NRXN3: variants seen among roughly 807,000 people sequenced by gnomAD.
The protein encoded by NRXN3 is neurexin 3.
NRXN3 carries 32 observed loss-of-function variants against 137.6 expected under a neutral mutation model. That is an observed-to-expected ratio of 0.23 (90% CI 0.18 to 0.31). The LOEUF (loss-of-function observed/expected upper bound fraction) is 0.31, where lower values mean the gene tolerates loss of function less well. Among genes scored for constraint, NRXN3 ranks in the 10% least tolerant of loss-of-function variants. NRXN3 has a pLI of 1.00. For missense variants in NRXN3, 1,574 were observed against 2,062.5 expected, an observed-to-expected ratio of 0.76 and a Z score of 4.59; for synonymous variants, 798 against 784.5, an observed-to-expected ratio of 1.02 and a Z score of -0.29.
intron 15 of NRXN3, among the ~76,000 whole-genome samples, chr14:79,076,404 G>A (rs1338348727): frequency 6.6e-6 from 1 of 152,144 alleles, no homozygotes; most frequent in African/African-American, 2.4e-5. Flanking sequence ...GGCTGCAACC[G>A]AGGTGACAGC....
chr14:79,181,188 C>T (rs1465494768), intron 15 of NRXN3, among the ~76,000 whole-genome samples: 1 of 151,924 alleles, frequency 6.6e-6, no homozygotes, highest in Admixed American at 6.6e-5. Context: ...ATCTGAGATT[C>T]CACTTTGACC....
intron 15 of NRXN3, among the ~76,000 whole-genome samples, chr14:79,051,178 C>T (rs2099641373): frequency 6.6e-6 from 1 of 151,876 alleles, no homozygotes; most frequent in Non-Finnish European, 1.5e-5. Flanking sequence ...TCTGACCTAT[C>T]TCCTTTCTAC....
chr14:79,258,118 A>G (rs1183099810), intron 15 of NRXN3, among the ~76,000 whole-genome samples: 2 of 152,206 alleles, frequency 1.3e-5, no homozygotes, highest in African/African-American at 4.8e-5. Flanking sequence ...CACCAGTTCA[A>G]ATGATGTTTT....
At chr14:78,538,018 T>C (rs2096553031) in intron 4 of NRXN3, among the ~76,000 whole-genome samples, 2 of 152,242 alleles carry the variant, frequency 1.3e-5, no homozygotes, top group Admixed American at 6.5e-5. Flanking sequence ...TATAGCCTTG[T>C]ACTATAGTTT....
At chr14:79,788,437 G>A (rs1019373801) in intron 19 of NRXN3, among the ~76,000 whole-genome samples, 15 of 152,092 alleles carry the variant, frequency 9.9e-5, no homozygotes, top group African/African-American at 3.1e-4. Flanking sequence ...GTAACCCTAC[G>A]GGTGATTTCA....
At chr14:78,501,398 T>A (rs1475249715) in intron 4 of NRXN3, among the ~76,000 whole-genome samples, 1 of 152,156 alleles carries the variant, frequency 6.6e-6, no homozygotes, top group Non-Finnish European at 1.5e-5. Context: ...GACCTTTCCA[T>A]AGAGCGGCCC....
intron 15 of NRXN3, among the ~76,000 whole-genome samples, chr14:79,301,594 C>CAA (rs1017825204): frequency 1.3e-5 from 2 of 152,032 alleles, no homozygotes; most frequent in Non-Finnish European, 2.9e-5. Context: ...CTATTAGCTG[C>CAA]AAATCAAACC....
intron 15 of NRXN3, among the ~76,000 whole-genome samples, chr14:79,044,050 A>C (rs984356616): frequency 1.3e-5 from 2 of 152,128 alleles, no homozygotes; most frequent in Non-Finnish European, 2.9e-5. Context: ...ACATTTCCAC[A>C]TGTCTTCTGT....
intron 8 of NRXN3, among the ~76,000 whole-genome samples, chr14:78,739,519 T>A (rs2098555277): frequency 6.6e-6 from 1 of 152,218 alleles, no homozygotes; most frequent in South Asian, 2.1e-4. Context: ...TTGATGCGGC[T>A]GGAGTAAAAT....
chr14:79,493,616 G>A (rs984047178), intron 16 of NRXN3, among the ~76,000 whole-genome samples: 4 of 152,144 alleles, frequency 2.6e-5, no homozygotes, highest in South Asian at 4.1e-4. Context: ...ACTCTATCAC[G>A]GGATGAATAG....
chr14:79,341,004 T>C (rs531435669), intron 15 of NRXN3, among the ~76,000 whole-genome samples: 18 of 152,188 alleles, frequency 1.2e-4, no homozygotes, highest in Non-Finnish European at 2.4e-4. Context: ...AAAATGAGAA[T>C]TGCGCTAATG....
At chr14:78,356,603 C>T (rs749051260) in intron 4 of NRXN3, among the ~76,000 whole-genome samples, 41 of 152,204 alleles carry the variant, frequency 2.7e-4, no homozygotes, top group Non-Finnish European at 5.4e-4. Context: ...ACCAGGGAAA[C>T]CATTCCAGGC....
rs545378225 is a variant in NRXN3, at chr14:79,552,553, C to T, written c.3444+85151C>T. On this transcript the variant is annotated intron_variant, in intron 16 of 20. Coordinates refer to ENST00000335750, the MANE Select transcript of NRXN3 (RefSeq NM_001330195.2). ...ATTAACATGCAGATGTGCACAGGAT[C>T]CACACAAAATGGGAAGACTCAAAGA... 3.3e-5 allele frequency among the ~76,000 whole-genome samples: 5 copies of T among 152,182 alleles called. No homozygotes were observed. In the South Asian group the frequency reaches 1.0e-3, roughly 32 times the overall value.
chr14:79,826,927 T>G (rs1445839399), intron 20 of NRXN3, among the ~76,000 whole-genome samples: 1 of 152,154 alleles, frequency 6.6e-6, no homozygotes, highest in Non-Finnish European at 1.5e-5. Flanking sequence ...AAGATTTCAA[T>G]TTTTAGAATT....
chr14:79,131,458 C>T (rs1035913340), intron 15 of NRXN3, among the ~76,000 whole-genome samples: 1 of 152,142 alleles, frequency 6.6e-6, no homozygotes, highest in African/African-American at 2.4e-5. Context: ...CAGTCTGCCC[C>T]TGCTGGGGGG....
intron 1 of NRXN3, among the ~76,000 whole-genome samples, chr14:78,175,580 T>A (rs1412421814): frequency 3.3e-5 from 5 of 152,144 alleles, no homozygotes; most frequent in African/African-American, 1.2e-4. Context: ...GGGGAAGAAC[T>A]GTTGCGCTGC....
chr14:79,547,813 G>A (rs1019992707), intron 16 of NRXN3, among the ~76,000 whole-genome samples: 5 of 152,162 alleles, frequency 3.3e-5, no homozygotes, highest in Non-Finnish European at 5.9e-5. Flanking sequence ...ACATGCCTTC[G>A]AGAACTAATT....
At chr14:78,750,974 C>T (rs2098638641) in intron 8 of NRXN3, among the ~76,000 whole-genome samples, 1 of 152,206 alleles carries the variant, frequency 6.6e-6, no homozygotes, top group Non-Finnish European at 1.5e-5. Context: ...CTGACATTAA[C>T]ACTGACATGC....
intron 16 of NRXN3, among the ~76,000 whole-genome samples, chr14:79,590,068 ATTAC>A (rs751164327): frequency 3.2e-4 from 49 of 151,840 alleles, no homozygotes; most frequent in Non-Finnish European, 5.6e-4. Context: ...TTTTTCCCCC[ATTAC>A]TTTGTACAAC....
Sources: allele counts gnomAD v4.1 joint callset (sites outside exome capture counted in the v4.1 genomes callset), GRCh38; gene constraint gnomAD v4.1.1; transcripts MANE v1.5; gene names NCBI Gene and HGNC (gene_info 2026-07-23, HGNC 2026-07-21).